The following PPP2R3A variants were observed in gnomAD, a reference collection of about 807,000 sequenced individuals.
The protein encoded by PPP2R3A is serine/threonine-protein phosphatase 2A regulatory subunit B'' subunit alpha.
PPP2R3A carries 80 observed loss-of-function variants against 106.9 expected under a neutral mutation model. The ratio of observed to expected loss-of-function variants is 0.75; its 90% CI spans 0.62 to 0.90. The LOEUF is 0.90. Ranked by LOEUF, PPP2R3A falls within the 40% of genes least tolerant of loss-of-function variation. The pLI, the probability that PPP2R3A is intolerant of heterozygous loss-of-function variation, is 0.00. For synonymous variants in PPP2R3A, 483 were observed against 468.3 expected, an observed-to-expected ratio of 1.03 and a Z score of -0.41; for missense variants, 1,386 against 1,350.4, an observed-to-expected ratio of 1.03 and a Z score of -0.41.
At chr3:136,094,917 C>A (rs1210250181) in intron 10 of PPP2R3A, among the ~76,000 whole-genome samples, 1 of 152,204 alleles carries the variant, frequency 6.6e-6, no homozygotes, top group Non-Finnish European at 1.5e-5. Flanking sequence ...AATAAAACTA[C>A]AGACTGACAT....
rs140525328 is a variant in PPP2R3A, at chr3:135,967,133, CT to C, written c.-441+1288del. On this transcript the variant is annotated intron_variant, in intron 1 of 13. Coordinates refer to ENST00000264977, the MANE Select transcript of PPP2R3A (RefSeq NM_002718.5). ...TTACATTTATTGCATCCAAATGGCC[CT>C]TTTATCACCTCTGGCAGAAGAACTT... 6.9e-3 allele frequency among the ~76,000 whole-genome samples: 1,050 copies of C among 152,142 alleles called. 9 individuals are homozygous for C. The highest frequency in any genetic ancestry group is 0.023 in the African/African-American group (945 of 41,500).
chr3:135,998,501 G>T (rs1184125688), intron 1 of PPP2R3A, among the ~76,000 whole-genome samples: 3 of 152,114 alleles, frequency 2.0e-5, no homozygotes, highest in African/African-American at 7.2e-5. Context: ...TTTAAAGAGA[G>T]GAATCAGTCC....
At chr3:136,005,247 A>C (rs917275582) in intron 2 of PPP2R3A, among the ~76,000 whole-genome samples, 10 of 152,298 alleles carry the variant, frequency 6.6e-5, no homozygotes, top group African/African-American at 2.2e-4. Context: ...TCGTGTTTAG[A>C]CTTGGGCCCC....
intron 5 of PPP2R3A, among the ~76,000 whole-genome samples, chr3:136,065,065 A>G (rs1936218710): frequency 6.6e-6 from 1 of 152,196 alleles, no homozygotes; most frequent in Non-Finnish European, 1.5e-5. Context: ...ATGTAAAAGG[A>G]AAGTAAGGAA....
chr3:136,023,270 A>G, intron 2 of PPP2R3A: 1 of 1,366,726 alleles, frequency 7.3e-7, no homozygotes, highest in Admixed American at 2.1e-5. Context: ...TTACTAATAA[A>G]ACCATCCAGT....
intron 2 of PPP2R3A, among the ~76,000 whole-genome samples, chr3:136,016,798 A>G (rs1934283765): frequency 6.6e-6 from 1 of 152,190 alleles, no homozygotes; most frequent in African/African-American, 2.4e-5. Flanking sequence ...TGGAGCATTT[A>G]GGCCATTTAC....
rs761456361 is a variant in PPP2R3A at position 136,106,291 on chromosome 3, G to C, written c.3298G>C (p.Glu1100Gln). The change falls in exon 13 of 14, where the codon GAG becomes CAG. Residue 1100 changes from glutamate to glutamine, a missense_variant. Glu to Gln is a conservative substitution (Grantham distance 29). Coordinates refer to ENST00000264977, the MANE Select transcript of PPP2R3A (RefSeq NM_002718.5). Reference protein sequence around the residue: ...AAEEYETLVAEESAQAQFQEG... With the variant: ...AAEEYETLVAQESAQAQFQEG... ...TGAGGAGTATGAGACGCTTGTTGCA[G>C]AGGAATCTGCCCAAGCACAATTCCA... is the stretch of plus-strand genomic sequence containing the variant. 1.9e-6 allele frequency: 3 copies of C among 1,613,790 alleles called. No homozygotes were observed.
In PPP2R3A at chr3:136,003,396, C is replaced by T. The variant is rs1933723220; in HGVS notation, c.1898C>T (p.Ser633Phe). ...CTACAGGAAACCTTGACAACTTCCTCCCAGGCCAATTTATCAGTCTGTAGA... is the reference window on the plus strand; with the variant it reads ...CTACAGGAAACCTTGACAACTTCCTTCCAGGCCAATTTATCAGTCTGTAGA... ...QILQETLTTS[S>F]QANLSVCRSP... The change falls in exon 2 of 14, where the codon TCC becomes TTC. Residue 633 changes from serine to phenylalanine, a missense_variant. By Grantham distance (155) the Ser-to-Phe change is radical (BLOSUM62 -2). Coordinates refer to ENST00000264977, the MANE Select transcript of PPP2R3A (RefSeq NM_002718.5). 2 of 1,613,828 alleles carry T rather than the reference C, an allele frequency of 1.2e-6. No homozygotes were observed. Among genetic ancestry groups the T allele is most frequent in the African/African-American group, 2.7e-5 (2 of 74,894 alleles).
At chr3:136,115,409 G>C (rs1019415923) in intron 13 of PPP2R3A, among the ~76,000 whole-genome samples, 2 of 152,056 alleles carry the variant, frequency 1.3e-5, no homozygotes, top group Non-Finnish European at 2.9e-5. Flanking sequence ...TTGACGAACT[G>C]ACAGAAGTAG....
At chr3:136,054,576 C>G (rs1226314706) in intron 5 of PPP2R3A, among the ~76,000 whole-genome samples, 1 of 152,106 alleles carries the variant, frequency 6.6e-6, no homozygotes, top group Non-Finnish European at 1.5e-5. Context: ...ATTCTTAACG[C>G]TATTCTATGT....
chr3:135,983,499 A>C (rs1442227112), intron 1 of PPP2R3A, among the ~76,000 whole-genome samples: 3 of 152,222 alleles, frequency 2.0e-5, no homozygotes, highest in African/African-American at 7.2e-5. Context: ...AGTGGAAATT[A>C]CTTCAAAATG....
chr3:136,088,962 G>A (rs904731169), intron 9 of PPP2R3A, among the ~76,000 whole-genome samples: 2 of 151,978 alleles, frequency 1.3e-5, no homozygotes, highest in African/African-American at 4.8e-5. Context: ...ATTTAAGTTC[G>A]ATATAGAGTC....
intron 4 of PPP2R3A, among the ~76,000 whole-genome samples, chr3:136,044,283 A>G (rs1287560582): frequency 6.6e-6 from 1 of 152,212 alleles, no homozygotes; most frequent in Non-Finnish European, 1.5e-5. Flanking sequence ...TGTTTGATCA[A>G]AAACATTTTC....
intron 2 of PPP2R3A, among the ~76,000 whole-genome samples, chr3:136,013,314 G>A (rs974176838): frequency 7.9e-5 from 12 of 152,072 alleles, no homozygotes; most frequent in Non-Finnish European, 1.5e-4. Context: ...TGCTATAAAC[G>A]TGAGTGTGCA....
rs984413728 is a variant in PPP2R3A at position 136,147,182 on chromosome 3, C to T, written c.*2016C>T. 4.8e-4 allele frequency: 73 copies of T among 152,164 alleles called. No individual in the cohort carries two copies. Among genetic ancestry groups the T allele is most frequent in the African/African-American group, 1.7e-3 (70 of 41,390 alleles). The allele number at this position is 152,164 out of a possible 1,614,324, so 9.4% of individuals were successfully genotyped here. A position where few individuals can be genotyped will look rare whatever the true frequency, so the allele number is the denominator to read the frequency against. On this transcript the variant is annotated 3_prime_UTR_variant, in exon 14 of 14. Coordinates refer to ENST00000264977, the MANE Select transcript of PPP2R3A (RefSeq NM_002718.5). ...CAGGAGTAAAGACCAGCCTGGGCAA[C>T]ATAGTGAGACTCCGTCTCTACAAAA...
intron 10 of PPP2R3A, 49 bp from the exon 11 acceptor site, chr3:136,101,958 A>G: frequency 6.5e-7 from 1 of 1,541,778 alleles, no homozygotes; most frequent in East Asian, 2.3e-5. Flanking sequence ...ATCTGGATAA[A>G]TAAAAGGTCT....
At chr3:135,987,300 A>C (rs1932962862) in intron 1 of PPP2R3A, among the ~76,000 whole-genome samples, 1 of 152,120 alleles carries the variant, frequency 6.6e-6, no homozygotes, top group African/African-American at 2.4e-5. Flanking sequence ...GAGTATCAGT[A>C]TTTTTGTGCT....
In PPP2R3A at chr3:136,029,014, G is replaced by A. The variant is rs562519143; in HGVS notation, c.2262+1916G>A. Among the ~76,000 whole-genome samples the A allele has an allele frequency of 8.5e-5, 13 of 152,146 alleles. No homozygotes were observed. The South Asian group carries it at 2.1e-3, about 24-fold the overall frequency. ...ATTACAGGCATGCACCACCATGCCC[G>A]GCTAATTTTTGTATTTTTAGTAGAG... On this transcript the variant is annotated intron_variant, in intron 3 of 13. Transcript: ENST00000264977.
intron 5 of PPP2R3A, among the ~76,000 whole-genome samples, chr3:136,066,618 A>G (rs1352019839): frequency 6.6e-6 from 1 of 152,136 alleles, no homozygotes; most frequent in African/African-American, 2.4e-5. Context: ...GGAGTTTTCA[A>G]TCATGGCAGA....
Sources: gnomAD v4.1 joint callset for allele counts (sites outside exome capture counted in the v4.1 genomes callset) on GRCh38, gnomAD v4.1.1 for gene constraint, MANE v1.5 for transcripts, NCBI Gene and HGNC (gene_info 2026-07-23, HGNC 2026-07-21) for gene names.